The following LYRM4 variants were observed in gnomAD, a reference collection of about 807,000 sequenced individuals.
LYRM4 encodes LYR motif containing 4, also known as LYR motif-containing protein 4.
LYRM4 carries 9 observed loss-of-function variants against 11.7 expected under a neutral mutation model. That is an observed-to-expected ratio of 0.77 (90% CI 0.46 to 1.34). The LOEUF (loss-of-function observed/expected upper bound fraction) is 1.34. Among genes scored for constraint, LYRM4 ranks in the 40% most tolerant of loss-of-function variants. LYRM4 has a pLI of 0.00. For missense variants in LYRM4, 133 were observed against 112.5 expected (o/e 1.18, Z -0.82); for synonymous variants, 42 against 40.4 (o/e 1.04, Z -0.15).
chr6:5,090,124 G>A, the LYRM4 span, among the ~76,000 whole-genome samples: 68,121 of 151,886 alleles, frequency 0.45, 16,739 homozygotes, highest in African/African-American at 0.66. The surrounding 1 kb of genome is among the most constrained non-coding windows in gnomAD (Gnocchi z 4.8). Flanking sequence ...AGTAAGTGAA[G>A]GTCATTCTCC....
At chr6:5,136,505 TCA>T (rs1757109331) in intron 2 of LYRM4, 1 of 938,442 alleles carries the variant, frequency 1.1e-6, no homozygotes, top group Admixed American at 6.2e-5. Context: ...CCCTGTAGTC[TCA>T]GTTTCCTTAC....
At chr6:5,131,572 T>TC (rs1763955229) in intron 2 of LYRM4, among the ~76,000 whole-genome samples, 1 of 151,936 alleles carries the variant, frequency 6.6e-6, no homozygotes, top group Admixed American at 6.6e-5. Context: ...GCAAAAAAGC[T>TC]CCCTCCAAAG....
At chr6:5,114,546 A>T (rs1763034123) in intron 2 of LYRM4, among the ~76,000 whole-genome samples, 2 of 152,130 alleles carry the variant, frequency 1.3e-5, no homozygotes, top group South Asian at 4.1e-4. Context: ...TCACCTGGGG[A>T]GGTGCAATTA....
the LYRM4 span, among the ~76,000 whole-genome samples, chr6:5,081,813 C>T: frequency 2.6e-5 from 4 of 152,182 alleles, no homozygotes; most frequent in African/African-American, 4.8e-5. Context: ...AGAGTGGGCT[C>T]TCTAGACAGC....
At chr6:5,128,649 CTCA>C (rs1253280899) in intron 2 of LYRM4, among the ~76,000 whole-genome samples, 1 of 152,208 alleles carries the variant, frequency 6.6e-6, no homozygotes, top group Non-Finnish European at 1.5e-5. Flanking sequence ...CTTTTCCCTC[CTCA>C]TAACTATTTT....
chr6:5,094,618 C>G, the LYRM4 span, among the ~76,000 whole-genome samples: 2 of 152,214 alleles, frequency 1.3e-5, no homozygotes, highest in Admixed American at 6.5e-5. Context: ...CTACTGCAGT[C>G]CAAGCCCAGC....
At chr6:5,154,895 A>G (rs1758317921) in intron 2 of LYRM4, among the ~76,000 whole-genome samples, 1 of 152,192 alleles carries the variant, frequency 6.6e-6, no homozygotes, top group Non-Finnish European at 1.5e-5. Flanking sequence ...CAAATTACAC[A>G]GTGTCAGAGG....
At chr6:5,063,211 A>G in the LYRM4 span, among the ~76,000 whole-genome samples, 17,395 of 151,946 alleles carry the variant, frequency 0.11, 1,084 homozygotes, top group Admixed American at 0.17. Context: ...AGGCACTGAA[A>G]CTGGCACAGA....
chr6:5,140,024 A>C (rs957141895), intron 2 of LYRM4, among the ~76,000 whole-genome samples: 2 of 151,774 alleles, frequency 1.3e-5, no homozygotes, highest in African/African-American at 4.8e-5. Flanking sequence ...ACTCGTGCCC[A>C]GGAGTTCGAG....
chr6:5,183,112 A>G (rs1247445734), intron 2 of LYRM4, among the ~76,000 whole-genome samples: 2 of 152,206 alleles, frequency 1.3e-5, no homozygotes, highest in Admixed American at 6.5e-5. Context: ...TGCTACCAAA[A>G]CTAACCTACA....
At chr6:5,069,590 C>T in the LYRM4 span, among the ~76,000 whole-genome samples, 168 of 152,182 alleles carry the variant, frequency 1.1e-3, no homozygotes, top group Non-Finnish European at 2.0e-3. Context: ...AAGCAATTCT[C>T]CTGCCTCAGC....
At chr6:5,162,904 T>C (rs1372429151) in intron 2 of LYRM4, among the ~76,000 whole-genome samples, 1 of 152,234 alleles carries the variant, frequency 6.6e-6, no homozygotes, top group East Asian at 1.9e-4. Context: ...ATATGGCCTT[T>C]TGTAAAGTGA....
chr6:5,120,715 G>A (rs967973489), intron 2 of LYRM4, among the ~76,000 whole-genome samples: 20 of 152,142 alleles, frequency 1.3e-4, no homozygotes, highest in Admixed American at 1.2e-3. Context: ...GGTCCATTTT[G>A]CGAACCTCTA....
the LYRM4 span, among the ~76,000 whole-genome samples, chr6:5,079,744 G>A: frequency 1.3e-5 from 2 of 152,172 alleles, no homozygotes; most frequent in Non-Finnish European, 2.9e-5. Flanking sequence ...CCCTATCCTG[G>A]GAATAGGCCA....
chr6:5,171,742 A>G (rs78044432), intron 2 of LYRM4, among the ~76,000 whole-genome samples: 2,006 of 152,332 alleles, frequency 0.013, 39 homozygotes, highest in African/African-American at 0.044. Flanking sequence ...GCAAAAGTAT[A>G]CAAAATGCAG....
downstream of LYRM4, among the ~76,000 whole-genome samples, chr6:5,101,739 C>T (rs930427724): frequency 6.6e-6 from 1 of 152,112 alleles, no homozygotes; most frequent in African/African-American, 2.4e-5. Flanking sequence ...TTCACCAGCT[C>T]AGACTGTCCC....
chr6:5,136,040 T>C (rs1162559807), intron 2 of LYRM4: 1 of 152,852 alleles, frequency 6.5e-6, no homozygotes, highest in Admixed American at 6.5e-5. Flanking sequence ...CTTAGGACAA[T>C]GTCGTCAAGG....
At position 5,207,991 on chromosome 6, in the gene LYRM4, T is replaced by C. The variant is rs145948084; in HGVS notation, c.207+8627A>G. ...CCTCTTCTGAGAGCTGGCTAACAAG[T>C]GAGAGTGCAGGTGGGCCCAACATTC... On this transcript the variant is annotated intron_variant, in intron 2 of 2. Transcript: ENST00000330636. Among the ~76,000 whole-genome samples the C allele has an allele frequency of 7.2e-4, 110 of 152,308 alleles. 1 individual carries two copies. Among genetic ancestry groups the C allele is most frequent in the African/African-American group, 2.6e-3 (108 of 41,558 alleles).
chr6:5,188,283 G>A, intron 2 of LYRM4, among the ~76,000 whole-genome samples: 1 of 152,070 alleles, frequency 6.6e-6, no homozygotes. Context: ...GGAGGCTGAG[G>A]TGGGAGGATC....
Sources: gnomAD v4.1 joint callset for allele counts (sites outside exome capture counted in the v4.1 genomes callset) on GRCh38, gnomAD v4.1.1 for gene constraint, Gnocchi (gnomAD v3.1) non-coding constraint, MANE v1.5 for transcripts, NCBI Gene and HGNC (gene_info 2026-07-23, HGNC 2026-07-21) for gene names.